Variants in PRPF3 observed in about 807,000 individuals in gnomAD.
The protein encoded by PRPF3 is U4/U6 small nuclear ribonucleoprotein Prp3.
In PRPF3, 3 loss-of-function variants were observed where a neutral mutation model predicts 89.2. The observed-to-expected ratio is 0.03, with a 90% CI of 0.02 to 0.09. The LOEUF (loss-of-function observed/expected upper bound fraction) is 0.09. Ranked by LOEUF, PRPF3 falls within the 10% of genes least tolerant of loss-of-function variation. The pLI, the probability that PRPF3 is intolerant of heterozygous loss-of-function variation, is 1.00. For synonymous variants in PRPF3, 270 were observed against 289.1 expected (o/e 0.93, Z 0.67); for missense variants, 463 against 828.8 (o/e 0.56, Z 5.42).
At chr1:150,325,272 TTA>T in intron 2 of PRPF3, among the ~76,000 whole-genome samples, 185 bp downstream of exon 2, 1 of 152,358 alleles carries the variant, frequency 6.6e-6, no homozygotes, top group African/African-American at 2.4e-5. Context: ...TGCTTATTTT[TTA>T]TGTTATTTAT....
At chr1:150,336,029 A>C (rs1234877854) in intron 7 of PRPF3, among the ~76,000 whole-genome samples, 1 of 152,002 alleles carries the variant, frequency 6.6e-6, no homozygotes, top group African/African-American at 2.4e-5. Context: ...TGACCTCCCA[A>C]AGTGCTGGGA....
chr1:150,346,068 C>T lies in PRPF3; in HGVS notation c.1691C>T (p.Ala564Val), dbSNP rs1553872873. 1 of 1,614,148 alleles carries T rather than the reference C, an allele frequency of 6.2e-7. No individual in the cohort carries two copies. Among genetic ancestry groups the T allele is most frequent in the South Asian group, 1.1e-5 (1 of 91,084 alleles). ...PAKKFKIEAN[A>V]GQLYLTGVVV... ...AAGAAGTTCAAGATTGAAGCCAATG[C>T]TGGGCAACTGTACCTGACAGGGGTG... Residue 564 changes from alanine (A) to valine (V), a missense_variant, in exon 13 of 16, where the codon GCT becomes GTT. Transcript: ENST00000324862.
chr1:150,339,458 C>T lies in PRPF3; in HGVS notation c.1203-940C>T, dbSNP rs587673280. On this transcript the variant is annotated intron_variant, in intron 8 of 15. Coordinates refer to ENST00000324862, the MANE Select transcript of PRPF3 (RefSeq NM_004698.4). ...CATTTTTTTTTTTTTTTTCCTGAGA[C>T]GGAGTTTCGCTCTTGTTGCCCAGGC... is the stretch of plus-strand genomic sequence containing the variant. Among the ~76,000 whole-genome samples, 36 of 145,082 alleles carry T rather than the reference C, an allele frequency of 2.5e-4. No homozygotes were observed. In the East Asian group the frequency reaches 2.6e-3, roughly 11 times the overall value.
chr1:150,332,643 G>A (rs1656541908), intron 4 of PRPF3, 41 bp from the exon 5 acceptor site: 1 of 1,590,892 alleles, frequency 6.3e-7, no homozygotes, highest in Admixed American at 1.7e-5. Flanking sequence ...GAAGTAAGAA[G>A]GAGAAATTAA....
intron 9 of PRPF3, among the ~76,000 whole-genome samples, chr1:150,341,357 TGTTA>T (rs1188162640): frequency 6.6e-6 from 1 of 151,790 alleles, no homozygotes; most frequent in Non-Finnish European, 1.5e-5. Context: ...AAGGGCTTTT[TGTTA>T]GTTTCCCAAA....
intron 9 of PRPF3, among the ~76,000 whole-genome samples, chr1:150,341,705 CT>C (rs35190590): frequency 0.068 from 9,342 of 138,394 alleles, 835 homozygotes; most frequent in African/African-American, 0.2. Flanking sequence ...CGCGCCCGGC[CT>C]TTTTTTTTTT....
intron 15 of PRPF3, among the ~76,000 whole-genome samples, chr1:150,349,496 TCA>T (rs1391803893): frequency 6.6e-6 from 1 of 152,198 alleles, no homozygotes; most frequent in Non-Finnish European, 1.5e-5. Context: ...ATTATTTATT[TCA>T]CAGTCATGAA....
chr1:150,337,286 G>A (rs1053334728), intron 7 of PRPF3, among the ~76,000 whole-genome samples: 6 of 151,362 alleles, frequency 4.0e-5, no homozygotes, highest in African/African-American at 7.3e-5. Flanking sequence ...TGATCCTCCC[G>A]CCTCGGCCTC....
At chr1:150,345,535 G>A (rs1382219508) in intron 12 of PRPF3, 1 of 178,820 alleles carries the variant, frequency 5.6e-6, no homozygotes, top group Non-Finnish European at 1.2e-5. Flanking sequence ...ATTTTTAGTA[G>A]AGATGGGGTT....
intron 7 of PRPF3, among the ~76,000 whole-genome samples, chr1:150,337,346 T>C (rs782462449): frequency 6.6e-5 from 10 of 152,044 alleles, no homozygotes; most frequent in Non-Finnish European, 1.5e-4. Flanking sequence ...GCCATAAAAT[T>C]CTATTTCTGC....
At chr1:150,346,256 T>G in intron 13 of PRPF3, 120 bp downstream of exon 13, 1 of 1,218,362 alleles carries the variant, frequency 8.2e-7, no homozygotes, top group South Asian at 1.2e-5. Context: ...TATAATATGC[T>G]AGGTCTCTGC....
At chr1:150,328,879 A>G (rs587626453) in intron 4 of PRPF3, among the ~76,000 whole-genome samples, 1 of 152,036 alleles carries the variant, frequency 6.6e-6, no homozygotes, top group Non-Finnish European at 1.5e-5. Context: ...TTTAGTAGAG[A>G]CAGGGTTTCA....
chr1:150,338,393 A>T (rs1406334642), intron 8 of PRPF3, 67 bp downstream of exon 8: 1 of 1,478,464 alleles, frequency 6.8e-7, no homozygotes, highest in Non-Finnish European at 9.4e-7. Flanking sequence ...ACTCAAGTTA[A>T]TACCTTTTAG....
intron 1 of PRPF3, among the ~76,000 whole-genome samples, chr1:150,324,040 A>G (rs1553862998): frequency 6.6e-6 from 1 of 152,026 alleles, no homozygotes; most frequent in Non-Finnish European, 1.5e-5. Context: ...CAGCCTCCCA[A>G]AGTGCTGGGA....
intron 2 of PRPF3, 108 bp downstream of exon 2, chr1:150,325,195 C>T (rs1655569440): frequency 3.7e-6 from 5 of 1,346,928 alleles, no homozygotes; most frequent in South Asian, 1.3e-5. Flanking sequence ...AAATGGCAGG[C>T]CATATTTTAT....
chr1:150,327,813 G>A (rs1655890800), intron 3 of PRPF3: 1 of 202,980 alleles, frequency 4.9e-6, no homozygotes, highest in Non-Finnish European at 8.9e-6. Flanking sequence ...CCCCTGTCCT[G>A]GAAGAGCTTA....
intron 2 of PRPF3, among the ~76,000 whole-genome samples, 153 bp from the exon 3 acceptor site, chr1:150,325,598 C>T: frequency 6.6e-6 from 1 of 152,128 alleles, no homozygotes. Context: ...AGGGCAAGGT[C>T]ATTTAGTGTA....
At chr1:150,338,101 C>T in intron 7 of PRPF3, 59 bp from the exon 8 acceptor site, 1 of 1,495,730 alleles carries the variant, frequency 6.7e-7, no homozygotes, top group East Asian at 2.3e-5. Context: ...TGAGATTCTA[C>T]ACATTCTGTT....
At chr1:150,343,205 G>T in intron 9 of PRPF3, 104 bp from the exon 10 acceptor site, 1 of 690,702 alleles carries the variant, frequency 1.4e-6, no homozygotes, top group Non-Finnish European at 1.9e-6. Context: ...TCGTGCCATT[G>T]CACTCCAACC....
Sources: gnomAD v4.1 joint callset for allele counts (sites outside exome capture counted in the v4.1 genomes callset) on GRCh38, gnomAD v4.1.1 for gene constraint, MANE v1.5 for transcripts, NCBI Gene and HGNC (gene_info 2026-07-23, HGNC 2026-07-21) for gene names.